The following ADGRF5 variants were observed in gnomAD, a reference collection of about 807,000 sequenced individuals.
The protein encoded by ADGRF5 is adhesion G protein-coupled receptor F5.
A neutral mutation model predicts 132.3 loss-of-function variants in ADGRF5; 75 were observed. That is an observed-to-expected ratio of 0.57 (90% confidence interval 0.47 to 0.69). The LOEUF is 0.69. ADGRF5 is among the 30% of genes least tolerant of loss of function. The pLI, the probability that ADGRF5 is intolerant of heterozygous loss-of-function variation, is 0.00. For synonymous variants in ADGRF5, 629 were observed against 597.6 expected, an observed-to-expected ratio of 1.05 and a Z score of -0.77; for missense variants, 1,516 against 1,630.6, an observed-to-expected ratio of 0.93 and a Z score of 1.21.
intron 1 of ADGRF5, among the ~76,000 whole-genome samples, chr6:46,921,450 G>A (rs1776936660): frequency 6.6e-6 from 1 of 151,650 alleles, no homozygotes; most frequent in Non-Finnish European, 1.5e-5. Context: ...CTGTTATTAA[G>A]AAAATCCTAA....
At position 46,862,703 on chromosome 6, in the gene ADGRF5, C is replaced by CTTTTTTTTTTTTTTTTTTTTTTTTTTT. The variant is rs67565937; in HGVS notation, c.2199+184_2199+185insAAAAAAAAAAAAAAAAAAAAAAAAAAA. 4.9e-4 allele frequency among the ~76,000 whole-genome samples: 13 copies of CTTTTTTTTTTTTTTTTTTTTTTTTTTT among 26,510 alleles called. 4 individuals carry two copies. Among genetic ancestry groups the CTTTTTTTTTTTTTTTTTTTTTTTTTTT allele is most frequent in the Non-Finnish European group, 5.4e-4 (9 of 16,700 alleles). The allele number at this position is 26,510 out of a possible 152,430, so 17.4% of individuals were successfully genotyped here. ...AGTTGTCTTAGTATTTGAATTGAGG[C>CTTTTTTTTTTTTTTTTTTTTTTTTTTT]TTTTTTTTTTTTTTTTTTTTTTTTT... On this transcript the variant is annotated intron_variant, in intron 15 of 20. Transcript: ENST00000283296.
At chr6:46,929,765 G>T (rs1210842649) in intron 1 of ADGRF5, among the ~76,000 whole-genome samples, 1 of 151,822 alleles carries the variant, frequency 6.6e-6, no homozygotes, top group Non-Finnish European at 1.5e-5. Context: ...AAATAAATTA[G>T]CTCAATGTTT....
intron 3 of ADGRF5, among the ~76,000 whole-genome samples, chr6:46,899,678 T>C (rs78067070): frequency 7.0e-6 from 1 of 143,790 alleles, no homozygotes; most frequent in Non-Finnish European, 1.5e-5. Flanking sequence ...GTTTGTTTTG[T>C]TTTTTTTTTT....
intron 1 of ADGRF5, among the ~76,000 whole-genome samples, chr6:46,945,307 G>T (rs570720363): frequency 6.6e-6 from 1 of 152,300 alleles, no homozygotes; most frequent in Admixed American, 6.5e-5. Flanking sequence ...ATATGTGAGT[G>T]CTTTAAAGTT....
In ADGRF5 at chr6:46,858,824, A is replaced by C; in HGVS notation, c.3079T>G (p.Leu1027Val). Reference sequence around the variant, plus strand: ...GCTTCCACAACTAGACAGGCTGCCAAGCTCAAGATGGAAAAGCCCACCCCA... The same window carrying C: ...GCTTCCACAACTAGACAGGCTGCCACGCTCAAGATGGAAAAGCCCACCCCA... ...YVGVGFSILS[L>V]AACLVVEAVV... is the part of the protein sequence containing the mutation. The change falls in exon 17 of 21, where the codon TTG (leucine) becomes GTG (valine). Residue 1027 changes from leucine to valine, a missense_variant. Physicochemically the swap from Leu to Val is conservative, Grantham distance 32. This residue lies in a region of ADGRF5 where 571 missense variants were observed against 701.2 expected (regional missense o/e 0.81). Coordinates refer to ENST00000283296, the MANE Select transcript of ADGRF5 (RefSeq NM_001098518.2). The C allele has an allele frequency of 6.2e-7, 1 of 1,614,148 alleles. No individual in the cohort carries two copies. Among genetic ancestry groups the C allele is most frequent in the Non-Finnish European group, 8.5e-7 (1 of 1,180,002 alleles).
At chr6:46,904,536 G>A (rs1775118855) in intron 2 of ADGRF5, among the ~76,000 whole-genome samples, 1 of 152,162 alleles carries the variant, frequency 6.6e-6, no homozygotes, top group Non-Finnish European at 1.5e-5. Flanking sequence ...GTAACCAGCA[G>A]CTGTCAGTAG....
Position 46,862,703 on chromosome 6 carries a change from C to CTTTTTTTTTTT in ADGRF5, c.2199+174_2199+184dup, listed in dbSNP as rs67565937. Among the ~76,000 whole-genome samples, 230 of 26,508 alleles carry CTTTTTTTTTTT rather than the reference C, an allele frequency of 8.7e-3. 30 individuals are homozygous for CTTTTTTTTTTT. Among genetic ancestry groups the CTTTTTTTTTTT allele is most frequent in the African/African-American group, 0.012 (72 of 6,086 alleles). The allele number at this position is 26,508 out of a possible 152,430, so 17.4% of individuals were successfully genotyped here. ...AGTTGTCTTAGTATTTGAATTGAGG[C>CTTTTTTTTTTT]TTTTTTTTTTTTTTTTTTTTTTTTT... On this transcript the variant is annotated intron_variant, in intron 15 of 20. Coordinates refer to ENST00000283296, the MANE Select transcript of ADGRF5 (RefSeq NM_001098518.2).
chr6:46,888,229 T>C (rs1773255287), intron 4 of ADGRF5, 106 bp downstream of exon 4: 2 of 780,112 alleles, frequency 2.6e-6, no homozygotes, highest in African/African-American at 3.5e-5. Flanking sequence ...CGGTGAGTCA[T>C]TTCACTTGCC....
intron 1 of ADGRF5, among the ~76,000 whole-genome samples, chr6:46,920,528 G>GT (rs888422553): frequency 2.6e-4 from 35 of 132,426 alleles, no homozygotes; most frequent in Admixed American, 4.7e-4. Flanking sequence ...ATAATATTTG[G>GT]GGGGGGGGAA....
chr6:46,884,137 T>C lies in ADGRF5; in HGVS notation c.463A>G (p.Lys155Glu). The C allele has an allele frequency of 6.2e-7, 1 of 1,614,144 alleles. No homozygotes were observed. The highest frequency in any genetic ancestry group is 1.1e-5 in the South Asian group (1 of 91,080). The change falls in exon 5 of 21, where the codon AAA becomes GAA. Residue 155 changes from lysine (K) to glutamate (E), a missense_variant. By Grantham distance (56) the Lys-to-Glu change is moderately conservative (BLOSUM62 1). Around this residue, in one of 2 missense-constraint regions of ADGRF5, gnomAD observed 945 missense variants for 929.4 expected, o/e 1.02. Transcript: ENST00000283296. The part of the protein sequence containing the change: ...FLPGHHCSCL[K>E]ELPPNGPFCL... ...AAAGGTCCATTGGGAGGCAGTTCTT[T>C]AAGGCAACTGCAATGGTGCCCTGGG...
At chr6:46,944,363 C>G (rs1173785084) in intron 1 of ADGRF5, among the ~76,000 whole-genome samples, 1 of 152,210 alleles carries the variant, frequency 6.6e-6, no homozygotes, top group Non-Finnish European at 1.5e-5. Flanking sequence ...GGCTCATGTC[C>G]TGCTGTGTCA....
At chr6:46,901,991 G>A (rs931578047) in intron 2 of ADGRF5, among the ~76,000 whole-genome samples, 5 of 152,182 alleles carry the variant, frequency 3.3e-5, no homozygotes, top group African/African-American at 1.2e-4. Flanking sequence ...AATGGGGAGC[G>A]ACTGTGTACT....
At chr6:46,859,545 G>A (rs768524840) in intron 16 of ADGRF5, 22 bp from the exon 17 acceptor site, 1 of 1,454,594 alleles carries the variant, frequency 6.9e-7, no homozygotes, top group South Asian at 1.3e-5. Context: ...ATGGTATGGG[G>A]TCAAACTAAC....
At chr6:46,944,817 A>C (rs527573466) in intron 1 of ADGRF5, among the ~76,000 whole-genome samples, 1 of 152,230 alleles carries the variant, frequency 6.6e-6, no homozygotes, top group African/African-American at 2.4e-5. Context: ...ACCATCTGCC[A>C]CCCAGAGTTG....
Position 46,868,930 on chromosome 6 carries a change from C to T in ADGRF5, c.1574G>A (p.Gly525Glu). The T allele has an allele frequency of 6.2e-7, 1 of 1,613,722 alleles. No individual in the cohort carries two copies. Among genetic ancestry groups the T allele is most frequent in the Non-Finnish European group, 8.5e-7 (1 of 1,179,650 alleles). The stretch of plus-strand genomic sequence containing the variant: ...CTTGACTGTCAGTACTGATTCTGCT[C>T]CATCAAGATACCTCCTCGTGGTATA... ...RFYTTRRYLDGAESVLTVKTS... is the reference protein window; with the variant it reads ...RFYTTRRYLDEAESVLTVKTS... Residue 525 changes from glycine to glutamate, a missense_variant, in exon 12 of 21, where the codon GGA becomes GAA. Gly to Glu is a moderately conservative substitution (Grantham distance 98). This residue lies in a region of ADGRF5 where 945 missense variants were observed against 929.4 expected (regional missense o/e 1.02). Coordinates refer to ENST00000283296, the MANE Select transcript of ADGRF5 (RefSeq NM_001098518.2).
At position 46,865,135 on chromosome 6, in the gene ADGRF5, A is replaced by G. The variant is rs1770269142; in HGVS notation, c.1897T>C (p.Trp633Arg). The G allele has an allele frequency of 1.2e-6, 2 of 1,611,476 alleles. No homozygotes were observed. Among genetic ancestry groups the G allele is most frequent in the East Asian group, 4.5e-5 (2 of 44,870 alleles). Residue 633 changes from tryptophan (W) to arginine (R), a missense_variant, in exon 14 of 21, where the codon TGG (tryptophan) becomes CGG (arginine). Physicochemically the swap from Trp to Arg is moderately radical, Grantham distance 101. Coordinates refer to ENST00000283296, the MANE Select transcript of ADGRF5 (RefSeq NM_001098518.2). ...KHNFNASSVSWCSKTVDVCCH... is the reference protein window; with the variant it reads ...KHNFNASSVSRCSKTVDVCCH... ...CACACATCAACAGTTTTTGAACACCAGGAAACTGAGCTTGCATTGAAATTG... is the reference window on the plus strand; with the variant it reads ...CACACATCAACAGTTTTTGAACACCGGGAAACTGAGCTTGCATTGAAATTG...
At chr6:46,882,335 G>A (rs1289427814) in intron 6 of ADGRF5, among the ~76,000 whole-genome samples, 1 of 152,076 alleles carries the variant, frequency 6.6e-6, no homozygotes, top group Admixed American at 6.6e-5. Context: ...AATTTACTCA[G>A]GGAAATGTCT....
chr6:46,920,533 G>GGT lies in ADGRF5; in HGVS notation c.-25+1179_-25+1180insAC, dbSNP rs1554212962. Among the ~76,000 whole-genome samples, 1,190 of 135,382 alleles carry GGT rather than the reference G, an allele frequency of 8.8e-3. 17 individuals are homozygous for GGT. Among genetic ancestry groups the GGT allele is most frequent in the Middle Eastern group, 0.023 (6 of 262 alleles). The allele number at this position is 135,382 out of a possible 152,430, so 88.8% of individuals were successfully genotyped here. A position where few individuals can be genotyped will look rare whatever the true frequency, so the allele number is the denominator to read the frequency against. On this transcript the variant is annotated intron_variant, in intron 1 of 20. Coordinates refer to ENST00000283296, the MANE Select transcript of ADGRF5 (RefSeq NM_001098518.2). ...AATTGATAGAATAATATTTGGGGGG[G>GGT]GGGAAGAGAGTGTATATTGGGGGTG...
chr6:46,860,715 C>A lies in ADGRF5; in HGVS notation c.2379G>T (p.Thr793=), dbSNP rs182227253. 3 of 1,608,672 alleles carry A rather than the reference C, an allele frequency of 1.9e-6. No homozygotes were observed. Among genetic ancestry groups the A allele is most frequent in the Non-Finnish European group, 2.6e-6 (3 of 1,175,854 alleles). Residue 793 remains threonine (T), a splice_region_variant and synonymous_variant, in exon 16 of 21, where the codon ACG becomes ACT. Transcript: ENST00000283296. ...VPTQVNSEMM[T]HVLSTVNVIL... The stretch of plus-strand genomic sequence containing the variant: ...TCCTGCAAAGGTTAAGCAAACTCAC[C>A]GTCATCATTTCTGAATTTACTTGGG...
Sources: allele counts gnomAD v4.1 joint callset (sites outside exome capture counted in the v4.1 genomes callset), GRCh38; gene constraint gnomAD v4.1.1; regional missense constraint gnomAD v4.1.1; transcripts MANE v1.5; gene names NCBI Gene and HGNC (gene_info 2026-07-23, HGNC 2026-07-21).